PTCD3: variants seen among roughly 807,000 people sequenced by gnomAD.
PTCD3 encodes pentatricopeptide repeat domain 3.
A neutral mutation model predicts 101.9 loss-of-function variants in PTCD3; 89 were observed. That is an observed-to-expected ratio of 0.87 (90% CI 0.74 to 1.04). The LOEUF (loss-of-function observed/expected upper bound fraction) is 1.04, where lower values mean the gene tolerates loss of function less well. Among genes scored for constraint, PTCD3 ranks in the 50% least tolerant of loss-of-function variants. PTCD3 has a pLI of 0.00. For missense variants in PTCD3, 870 were observed against 828.2 expected (o/e 1.05, Z -0.62); for synonymous variants, 296 against 278.5 (o/e 1.06, Z -0.63).
intron 4 of PTCD3, among the ~76,000 whole-genome samples, chr2:86,114,118 G>A (rs1168971695): frequency 2.0e-5 from 3 of 151,920 alleles, no homozygotes; most frequent in Non-Finnish European, 1.5e-5. Flanking sequence ...AGAGTTATTC[G>A]TTTATCCATT....
Position 86,130,590 on chromosome 2 carries a change from G to A in PTCD3, c.1148-58G>A, listed in dbSNP as rs1005114138. 5.1e-6 allele frequency: 8 copies of A among 1,576,382 alleles called. No individual in the cohort carries two copies. The African/African-American group carries it at 6.8e-5, about 13-fold the overall frequency. ...AATGTGTCCCTTTGTATTAGGTACA[G>A]TGAGTTTGGTGGTGGTAAAGGAAGT... On this transcript the variant is annotated intron_variant, in intron 14 of 23. Coordinates refer to ENST00000254630, the MANE Select transcript of PTCD3 (RefSeq NM_017952.6).
intron 21 of PTCD3, chr2:86,135,893 G>T (rs913818032): frequency 1.9e-6 from 1 of 518,592 alleles, no homozygotes; most frequent in Non-Finnish European, 3.8e-6. Context: ...TTGGCGCAGG[G>T]GTACGGACCT....
rs897438393 is a variant in PTCD3, at chr2:86,138,609, T to C, written c.*1050T>C. On this transcript the variant is annotated 3_prime_UTR_variant, in exon 24 of 24. Transcript: ENST00000254630. ...AAGGCCGGGACCCAGTCATACATCC[T>C]TAGAAACCAAAGTATGGTTTTTGTT... is the stretch of plus-strand genomic sequence containing the variant. The C allele has an allele frequency of 1.3e-5, 2 of 152,032 alleles. No homozygotes were observed. Among genetic ancestry groups the C allele is most frequent in the African/African-American group, 4.8e-5 (2 of 41,370 alleles). The allele number at this position is 152,032 out of a possible 1,614,324, so 9.4% of individuals were successfully genotyped here. A position where few individuals can be genotyped will look rare whatever the true frequency, so the allele number is the denominator to read the frequency against.
At chr2:86,129,517 C>G (rs1293345304) in intron 14 of PTCD3, among the ~76,000 whole-genome samples, 1 of 152,150 alleles carries the variant, frequency 6.6e-6, no homozygotes, top group African/African-American at 2.4e-5. Context: ...TGGCGCACCC[C>G]TGTAGTCCCA....
intron 11 of PTCD3, 102 bp from the exon 12 acceptor site, chr2:86,125,693 G>A (rs1674370360): frequency 9.4e-7 from 1 of 1,063,154 alleles, no homozygotes; most frequent in Non-Finnish European, 1.4e-6. Context: ...TTGTGGACAT[G>A]TGATTAGTCA....
chr2:86,132,173 C>T (rs1328893976), intron 16 of PTCD3, 145 bp from the exon 17 acceptor site: 2 of 539,044 alleles, frequency 3.7e-6, no homozygotes, highest in Non-Finnish European at 6.6e-6. Context: ...TTTGTCTCCC[C>T]CCCATTTCTT....
At chr2:86,137,310 A>G (rs1674604869) in intron 23 of PTCD3, among the ~76,000 whole-genome samples, 159 bp from the exon 24 acceptor site, 1 of 152,168 alleles carries the variant, frequency 6.6e-6, no homozygotes, top group South Asian at 2.1e-4. Flanking sequence ...TATAGATTTG[A>G]CTGTTAGAAG....
Position 86,123,707 on chromosome 2 carries a change from GA to G in PTCD3, c.665del (p.Asn222MetfsTer29). Reference protein sequence around the residue: ...QTGQSEALEEENDETSRRKAG... With the variant: ...QTGQSEALEEXNDETSRRKAG... ...TGATGATTATTCATTTCAGGAAGAG[GA>G]AAATGATGAGACATCTAGGAGGAAA... is the stretch of plus-strand genomic sequence containing the variant. On this transcript the variant is annotated frameshift_variant, in exon 9 of 24. Transcript: ENST00000254630. LOFTEE classifies it high-confidence loss of function. 6.3e-7 allele frequency: 1 copy of G among 1,591,582 alleles called. No individual in the cohort carries two copies. Among genetic ancestry groups the G allele is most frequent in the Non-Finnish European group, 8.5e-7 (1 of 1,171,428 alleles).
intron 17 of PTCD3, 176 bp from the exon 18 acceptor site, chr2:86,133,002 T>C (rs1674519820): frequency 1.0e-6 from 1 of 967,482 alleles, no homozygotes; most frequent in South Asian, 1.8e-5. Flanking sequence ...GGGTGTTTAA[T>C]TGAGAAGTCA....
intron 7 of PTCD3, 57 bp from the exon 8 acceptor site, chr2:86,121,422 A>G (rs199814815): frequency 2.6e-4 from 287 of 1,094,150 alleles, no homozygotes; most frequent in Non-Finnish European, 3.7e-4. Context: ...TTAACCTAAC[A>G]GGCTTTAGTT....
At chr2:86,133,504 G>A in intron 19 of PTCD3, 68 bp downstream of exon 19, 1 of 1,382,098 alleles carries the variant, frequency 7.2e-7, no homozygotes, top group East Asian at 2.3e-5. Context: ...TAATGAATGT[G>A]CTAACATTAC....
chr2:86,116,197 T>G (rs578025534), intron 4 of PTCD3, among the ~76,000 whole-genome samples: 1 of 152,238 alleles, frequency 6.6e-6, no homozygotes, highest in Non-Finnish European at 1.5e-5. Context: ...ACTTACGGAA[T>G]TTTTGTTTAT....
intron 16 of PTCD3, among the ~76,000 whole-genome samples, chr2:86,132,032 T>A (rs1020482571): frequency 6.6e-6 from 1 of 152,186 alleles, no homozygotes; most frequent in African/African-American, 2.4e-5. Flanking sequence ...TTCATGGAGA[T>A]TTTTACTAGT....
At chr2:86,111,275 G>A (rs1204803756) in intron 4 of PTCD3, 117 bp downstream of exon 4, 1 of 997,344 alleles carries the variant, frequency 1.0e-6, no homozygotes, top group Non-Finnish European at 1.5e-6. Flanking sequence ...TTAAACTGTT[G>A]TGCGTCTAGA....
intron 8 of PTCD3, among the ~76,000 whole-genome samples, chr2:86,123,413 G>GT (rs1277351707): frequency 6.6e-6 from 1 of 152,162 alleles, no homozygotes; most frequent in African/African-American, 2.4e-5. Context: ...GTGTTGTTTG[G>GT]TTTTCCTCTT....
Position 86,106,235 on chromosome 2 carries a change from A to G in PTCD3, c.-13A>G, listed in dbSNP as rs780132337. ...GGCACGCTTTCCCAACATGCTCTGC[A>G]GAGAAATCAAAGATGGCGGTTGTAT... On this transcript the variant is annotated 5_prime_UTR_variant, in exon 1 of 24. Transcript: ENST00000254630. 5.0e-6 allele frequency: 8 copies of G among 1,613,496 alleles called. No homozygotes were observed. Among genetic ancestry groups the G allele is most frequent in the Non-Finnish European group, 6.8e-6 (8 of 1,179,678 alleles).
rs1048508425 is a variant in PTCD3 at position 86,127,964 on chromosome 2, C to A, written c.1120C>A (p.His374Asn). 3.1e-6 allele frequency: 5 copies of A among 1,610,686 alleles called. No homozygotes were observed. In the African/African-American group the frequency reaches 6.7e-5, roughly 22 times the overall value. The change falls in exon 14 of 24, where the codon CAT becomes AAT. Residue 374 changes from histidine to asparagine, a missense_variant. Physicochemically the swap from His to Asn is moderately conservative, Grantham distance 68. Transcript: ENST00000254630. ...GIEPSLATYH[H>N]IIRLFDQPGD... ...AGAACCCTCGCTTGCAACATATCAC[C>A]ATATTATTCGCCTGTTTGATCAACC...
At chr2:86,127,718 C>CG in intron 13 of PTCD3, 1 of 548,646 alleles carries the variant, frequency 1.8e-6, no homozygotes, top group Non-Finnish European at 3.2e-6. Context: ...AAGAATGTGA[C>CG]TAATAAGTAT....
chr2:86,125,314 C>A, intron 10 of PTCD3, 141 bp from the exon 11 acceptor site: 1 of 1,079,940 alleles, frequency 9.3e-7, no homozygotes, highest in Non-Finnish European at 1.3e-6. Flanking sequence ...ATAGAAAATC[C>A]CACTGCACTA....
Sources: gnomAD v4.1 joint callset for allele counts (sites outside exome capture counted in the v4.1 genomes callset) on GRCh38, gnomAD v4.1.1 for gene constraint, MANE v1.5 for transcripts, NCBI Gene and HGNC (gene_info 2026-07-23, HGNC 2026-07-21) for gene names.